Variants in EIF3H observed in about 807,000 individuals in gnomAD.
EIF3H encodes eIF-3-gamma.
Under a neutral mutation model 44.2 loss-of-function variants are expected in EIF3H, and 26 were observed. The observed-to-expected ratio is 0.59, with a 90% CI of 0.43 to 0.82. The LOEUF (loss-of-function observed/expected upper bound fraction) is 0.82. Ranked by LOEUF, EIF3H falls within the 40% of genes least tolerant of loss-of-function variation. The pLI is 0.00. For synonymous variants in EIF3H, 166 were observed against 151.9 expected, an observed-to-expected ratio of 1.09 and a Z score of -0.68; for missense variants, 359 against 432.8, an observed-to-expected ratio of 0.83 and a Z score of 1.51.
chr8:116,688,786 A>G (rs1814123798), intron 2 of EIF3H, among the ~76,000 whole-genome samples: 1 of 152,212 alleles, frequency 6.6e-6, no homozygotes, highest in African/African-American at 2.4e-5. Context: ...TTTTGCAACA[A>G]AAAGTTTTTA....
chr8:116,675,646 G>A (rs1452894460), intron 2 of EIF3H, among the ~76,000 whole-genome samples: 3 of 152,134 alleles, frequency 2.0e-5, no homozygotes, highest in Non-Finnish European at 2.9e-5. Context: ...ATAAAACAGT[G>A]CTATGTTACT....
chr8:116,662,357 C>T (rs1813597992), intron 2 of EIF3H, among the ~76,000 whole-genome samples: 1 of 152,130 alleles, frequency 6.6e-6, no homozygotes, highest in South Asian at 2.1e-4. Context: ...GCTGGGGATG[C>T]TAGAGCTCCG....
chr8:116,645,481 C>T (rs901121107), intron 7 of EIF3H, among the ~76,000 whole-genome samples: 2 of 152,172 alleles, frequency 1.3e-5, no homozygotes, highest in Non-Finnish European at 2.9e-5. Context: ...ACCAGCCAGA[C>T]CCACTGGACC....
At chr8:116,688,325 A>G (rs1269423121) in intron 2 of EIF3H, among the ~76,000 whole-genome samples, 1 of 152,130 alleles carries the variant, frequency 6.6e-6, no homozygotes, top group East Asian at 1.9e-4. Context: ...TCTGACATAT[A>G]CAGGGCTTTA....
chr8:116,730,041 C>A lies in EIF3H; in HGVS notation c.133-3869G>T, dbSNP rs17811456. Among the ~76,000 whole-genome samples, 1,629 of 152,328 alleles carry A rather than the reference C, an allele frequency of 0.011. 132 individuals are homozygous for A. In the East Asian group the frequency reaches 0.22, roughly 21 times the overall value. On this transcript the variant is annotated intron_variant, in intron 1 of 7. Coordinates refer to ENST00000521861, the MANE Select transcript of EIF3H (RefSeq NM_003756.3). ...TGATAAAGTACTCAGGAAAAAATCA[C>A]TATTATCAAAACTAAGCTAGCTCAT...
intron 5 of EIF3H, among the ~76,000 whole-genome samples, chr8:116,653,566 A>G (rs900703800): frequency 6.6e-6 from 1 of 152,210 alleles, no homozygotes; most frequent in African/African-American, 2.4e-5. Flanking sequence ...CTGAAAACAG[A>G]TAAACAGATG....
intron 5 of EIF3H, among the ~76,000 whole-genome samples, chr8:116,655,496 A>C (rs1813473571): frequency 6.6e-6 from 1 of 152,142 alleles, no homozygotes; most frequent in Admixed American, 6.5e-5. Flanking sequence ...AAATATCCAG[A>C]CCTAATACCC....
intron 2 of EIF3H, among the ~76,000 whole-genome samples, chr8:116,684,937 C>T (rs1814048640): frequency 6.6e-6 from 1 of 152,138 alleles, no homozygotes; most frequent in African/African-American, 2.4e-5. Flanking sequence ...ATTTGCTGTA[C>T]AGTCAAGAAA....
intron 2 of EIF3H, among the ~76,000 whole-genome samples, chr8:116,681,206 T>C (rs1472334108): frequency 6.6e-6 from 1 of 151,770 alleles, no homozygotes; most frequent in Non-Finnish European, 1.5e-5. Context: ...CTACTAAAAA[T>C]ACAAAAATTA....
intron 2 of EIF3H, among the ~76,000 whole-genome samples, chr8:116,700,800 A>G (rs931188571): frequency 1.3e-5 from 2 of 152,194 alleles, no homozygotes; most frequent in African/African-American, 4.8e-5. Flanking sequence ...TAAACATAAT[A>G]AATTGATGCT....
chr8:116,752,712 GAAAGAAAGAA>G (rs1563662940), intron 1 of EIF3H, among the ~76,000 whole-genome samples: 60 of 128,286 alleles, frequency 4.7e-4, no homozygotes, highest in Admixed American at 4.2e-3. Flanking sequence ...AAGAAAGAAA[GAAAGAAAGAA>G]AGAAAGAAAG....
At chr8:116,752,774 AGGGAG>A (rs1815377330) in intron 1 of EIF3H, among the ~76,000 whole-genome samples, 3 of 46,988 alleles carry the variant, frequency 6.4e-5, no homozygotes, top group Non-Finnish European at 9.4e-5. Flanking sequence ...GGAGGGAGGG[AGGGAG>A]GGAGGGAGGG....
chr8:116,667,100 G>T (rs917210240), intron 2 of EIF3H, among the ~76,000 whole-genome samples: 1 of 152,112 alleles, frequency 6.6e-6, no homozygotes, highest in Non-Finnish European at 1.5e-5. Flanking sequence ...AGAAACTGAA[G>T]GAGAGGCAGA....
chr8:116,760,245 T>C (rs116138601), upstream of EIF3H, among the ~76,000 whole-genome samples: 1,131 of 152,252 alleles, frequency 7.4e-3, 15 homozygotes, highest in African/African-American at 0.025. Flanking sequence ...ACAATACACT[T>C]TTTGTTTTGT....
chr8:116,667,044 A>C (rs1813682738), intron 2 of EIF3H, among the ~76,000 whole-genome samples: 1 of 152,228 alleles, frequency 6.6e-6, no homozygotes, highest in Non-Finnish European at 1.5e-5. Flanking sequence ...ACAAGGTGAT[A>C]AGTAATATCA....
At chr8:116,663,135 C>T (rs990206061) in intron 2 of EIF3H, among the ~76,000 whole-genome samples, 1 of 152,160 alleles carries the variant, frequency 6.6e-6, no homozygotes, top group Non-Finnish European at 1.5e-5. Context: ...AACCAGTCCT[C>T]ACTTTTCTGG....
At chr8:116,682,495 C>T (rs1356219611) in intron 2 of EIF3H, among the ~76,000 whole-genome samples, 1 of 152,158 alleles carries the variant, frequency 6.6e-6, no homozygotes, top group Non-Finnish European at 1.5e-5. Flanking sequence ...ATGAAAAACT[C>T]CTTAAGATAT....
intron 2 of EIF3H, among the ~76,000 whole-genome samples, chr8:116,683,805 C>T (rs1034762809): frequency 8.5e-5 from 13 of 152,160 alleles, no homozygotes; most frequent in African/African-American, 3.1e-4. Flanking sequence ...CACATTAATA[C>T]TTGGTGATTT....
At chr8:116,690,645 C>T (rs894947691) in intron 2 of EIF3H, among the ~76,000 whole-genome samples, 1 of 152,222 alleles carries the variant, frequency 6.6e-6, no homozygotes, top group Non-Finnish European at 1.5e-5. Context: ...ATGTACTAAT[C>T]CTTGTAGACT....
Sources: gnomAD v4.1 joint callset for allele counts (sites outside exome capture counted in the v4.1 genomes callset) on GRCh38, gnomAD v4.1.1 for gene constraint, MANE v1.5 for transcripts, NCBI Gene and HGNC (gene_info 2026-07-23, HGNC 2026-07-21) for gene names.